The following CNTNAP2 variants were observed in gnomAD, a reference collection of about 807,000 sequenced individuals.
CNTNAP2 encodes the protein contactin-associated protein-like 2.
CNTNAP2 carries 98 observed loss-of-function variants against 155.2 expected under a neutral mutation model. The observed-to-expected ratio is 0.63, with a 90% CI of 0.54 to 0.75. The LOEUF is 0.75. Among genes scored for constraint, CNTNAP2 ranks in the 30% least tolerant of loss-of-function variants. CNTNAP2 has a pLI of 0.00. For missense variants in CNTNAP2, 1,727 were observed against 1,688.1 expected, an observed-to-expected ratio of 1.02 and a Z score of -0.40; for synonymous variants, 651 against 631.2, an observed-to-expected ratio of 1.03 and a Z score of -0.47.
intron 1 of CNTNAP2, among the ~76,000 whole-genome samples, chr7:146,412,748 A>G (rs1795884598): frequency 1.3e-5 from 2 of 152,194 alleles, no homozygotes; most frequent in South Asian, 2.1e-4. Flanking sequence ...CATTCAACGG[A>G]CATAGAAGTA....
At chr7:147,189,684 A>C (rs1431478043) in intron 8 of CNTNAP2, among the ~76,000 whole-genome samples, 1 of 152,174 alleles carries the variant, frequency 6.6e-6, no homozygotes, top group East Asian at 1.9e-4. Context: ...AAAAGAAACA[A>C]AATTTTTAAT....
At chr7:148,006,706 ATTTTC>A (rs1801989190) in intron 15 of CNTNAP2, among the ~76,000 whole-genome samples, 1 of 151,390 alleles carries the variant, frequency 6.6e-6, no homozygotes, top group Non-Finnish European at 1.5e-5. Flanking sequence ...CATGATAATA[ATTTTC>A]TTTTTTTTTT....
intron 13 of CNTNAP2, among the ~76,000 whole-genome samples, chr7:147,772,252 C>T (rs1282738528): frequency 5.3e-5 from 8 of 151,238 alleles, no homozygotes; most frequent in South Asian, 4.2e-4. Flanking sequence ...AGTGAAATTG[C>T]GTCTCTACTA....
intron 4 of CNTNAP2, among the ~76,000 whole-genome samples, chr7:147,047,363 C>T (rs66509567): frequency 0.27 from 40,930 of 149,754 alleles, 6,813 homozygotes; most frequent in African/African-American, 0.46. Context: ...CCTCATGATC[C>T]GCCCACCTGG....
chr7:147,414,292 C>T (rs568163593), intron 10 of CNTNAP2, among the ~76,000 whole-genome samples: 127 of 151,930 alleles, frequency 8.4e-4, no homozygotes, highest in Non-Finnish European at 1.0e-3. Context: ...GGCTCTGTGG[C>T]AGGTGACTGT....
Position 147,499,566 on chromosome 7 carries a change from G to A in CNTNAP2, c.1777+13525G>A, listed in dbSNP as rs530687288. Among the ~76,000 whole-genome samples the A allele has an allele frequency of 7.2e-5, 11 of 152,194 alleles. No individual in the cohort carries two copies. In the South Asian group the frequency reaches 2.3e-3, roughly 32 times the overall value. On this transcript the variant is annotated intron_variant, in intron 11 of 23. Transcript: ENST00000361727. ...CCGATATAATGATGTATTAAGGTTA[G>A]CAACTATGCCTAAAAAATGAGTCCT...
intron 12 of CNTNAP2, among the ~76,000 whole-genome samples, chr7:147,602,309 C>A (rs1800964087): frequency 6.6e-6 from 1 of 150,856 alleles, no homozygotes; most frequent in South Asian, 2.1e-4. Context: ...TCTCCAAAGG[C>A]AATCAATGAA....
Position 147,707,547 on chromosome 7 carries a change from C to T in CNTNAP2, c.2098+68241C>T, listed in dbSNP as rs148644944. Among the ~76,000 whole-genome samples the T allele has an allele frequency of 4.1e-3, 629 of 152,268 alleles. 1 individual carries two copies. Among genetic ancestry groups the T allele is most frequent in the African/African-American group, 0.014 (582 of 41,550 alleles). ...GGTGGCCAGTCACAGGCCAAACATG[C>T]CTTTCCTTGGGCCCCAGGGCAACAT... On this transcript the variant is annotated intron_variant, in intron 13 of 23. Coordinates refer to ENST00000361727, the MANE Select transcript of CNTNAP2 (RefSeq NM_014141.6).
intron 1 of CNTNAP2, among the ~76,000 whole-genome samples, chr7:146,730,013 A>G (rs576788474): frequency 6.6e-6 from 1 of 152,268 alleles, no homozygotes; most frequent in African/African-American, 2.4e-5. Context: ...CTCCTGCTTC[A>G]TACACAATTA....
intron 1 of CNTNAP2, among the ~76,000 whole-genome samples, chr7:146,504,128 C>T (rs1584954645): frequency 6.6e-6 from 1 of 152,234 alleles, no homozygotes; most frequent in Non-Finnish European, 1.5e-5. Context: ...TTCTCCTGAC[C>T]AAAGCACAGC....
At chr7:148,051,732 G>A (rs368514764) in intron 15 of CNTNAP2, among the ~76,000 whole-genome samples, 3 of 152,284 alleles carry the variant, frequency 2.0e-5, no homozygotes, top group Non-Finnish European at 4.4e-5. Context: ...TCTATTTTAC[G>A]TTAGATGCTA....
At chr7:146,950,011 A>G (rs905178460) in intron 3 of CNTNAP2, among the ~76,000 whole-genome samples, 5 of 152,184 alleles carry the variant, frequency 3.3e-5, no homozygotes, top group Non-Finnish European at 7.4e-5. Flanking sequence ...GATTAATATG[A>G]TTCCAAGGAT....
intron 8 of CNTNAP2, among the ~76,000 whole-genome samples, chr7:147,217,481 C>T (rs1389712167): frequency 1.3e-5 from 2 of 151,786 alleles, no homozygotes; most frequent in Non-Finnish European, 2.9e-5. Context: ...TTGAACCAGT[C>T]TTGTATACCT....
At chr7:146,995,430 A>C (rs1031168967) in intron 3 of CNTNAP2, among the ~76,000 whole-genome samples, 2 of 152,062 alleles carry the variant, frequency 1.3e-5, no homozygotes, top group Non-Finnish European at 1.5e-5. Context: ...TATAATGACT[A>C]TATTAATGTA....
At chr7:147,235,632 C>T (rs955547299) in intron 8 of CNTNAP2, among the ~76,000 whole-genome samples, 1 of 152,004 alleles carries the variant, frequency 6.6e-6, no homozygotes, top group African/African-American at 2.4e-5. Context: ...AATCCATTCT[C>T]GCTTCTATTT....
intron 1 of CNTNAP2, among the ~76,000 whole-genome samples, chr7:146,571,265 T>A (rs1798435792): frequency 6.6e-6 from 1 of 152,162 alleles, no homozygotes; most frequent in African/African-American, 2.4e-5. Context: ...TGGGAAGTAT[T>A]ATAATAGGGG....
intron 2 of CNTNAP2, among the ~76,000 whole-genome samples, chr7:146,817,714 A>C (rs1475784575): frequency 6.6e-6 from 1 of 152,078 alleles, no homozygotes; most frequent in Admixed American, 6.6e-5. Flanking sequence ...AGATCTCGTG[A>C]GAACTCCCTC....
intron 9 of CNTNAP2, among the ~76,000 whole-genome samples, chr7:147,385,462 G>A (rs1042862308): frequency 6.6e-6 from 1 of 152,158 alleles, no homozygotes; most frequent in African/African-American, 2.4e-5. Context: ...GACACAATGG[G>A]CGTACAGGCA....
At chr7:147,967,876 A>G (rs1801250050) in intron 14 of CNTNAP2, among the ~76,000 whole-genome samples, 1 of 152,190 alleles carries the variant, frequency 6.6e-6, no homozygotes, top group Non-Finnish European at 1.5e-5. Flanking sequence ...ATTAATTTCT[A>G]AAGAAATAAT....
Sources: allele counts gnomAD v4.1 joint callset (sites outside exome capture counted in the v4.1 genomes callset), GRCh38; gene constraint gnomAD v4.1.1; transcripts MANE v1.5; gene names NCBI Gene and HGNC (gene_info 2026-07-23, HGNC 2026-07-21).